Variants in NBEA observed in about 807,000 individuals in gnomAD.
NBEA encodes lysosomal-trafficking regulator 2.
NBEA carries 44 observed loss-of-function variants against 343.4 expected under a neutral mutation model. The ratio of observed to expected loss-of-function variants is 0.13; its 90% CI spans 0.10 to 0.16. The LOEUF is 0.16. NBEA is among the 10% of genes least tolerant of loss of function. NBEA has a pLI of 1.00. For synonymous variants in NBEA, 1,175 were observed against 1,238.7 expected (o/e 0.95, Z 1.08); for missense variants, 2,555 against 3,631.3 (o/e 0.70, Z 7.62).
At chr13:35,419,170 A>T (rs776106258) in intron 38 of NBEA, among the ~76,000 whole-genome samples, 5 of 152,070 alleles carry the variant, frequency 3.3e-5, no homozygotes, top group African/African-American at 1.2e-4. Flanking sequence ...CAGATTAGAG[A>T]TGCTTAACCT....
intron 20 of NBEA, 111 bp downstream of exon 20, chr13:35,156,317 A>G: frequency 9.2e-7 from 1 of 1,089,406 alleles, no homozygotes; most frequent in South Asian, 1.8e-5. Flanking sequence ...ACTTTTAATC[A>G]TCAGAAAAGG....
intron 33 of NBEA, 44 bp from the exon 34 acceptor site, chr13:35,232,448 A>G (rs2075029064): frequency 8.2e-7 from 1 of 1,226,926 alleles, no homozygotes; most frequent in East Asian, 2.6e-5. Flanking sequence ...TTGACATTTT[A>G]TATTGAATTA....
intron 36 of NBEA, among the ~76,000 whole-genome samples, chr13:35,323,264 C>T (rs555187001): frequency 2.0e-5 from 3 of 152,002 alleles, no homozygotes; most frequent in African/African-American, 4.8e-5. Context: ...CACATGCACA[C>T]GTATGTTTAC....
chr13:35,646,111 G>A, intron 50 of NBEA, 148 bp from the exon 51 acceptor site: 1 of 705,220 alleles, frequency 1.4e-6, no homozygotes, highest in Non-Finnish European at 2.4e-6. Context: ...ACACTTGGAT[G>A]ATTCTGCACC....
At chr13:35,205,255 G>T (rs1209985019) in intron 31 of NBEA, among the ~76,000 whole-genome samples, 1 of 152,126 alleles carries the variant, frequency 6.6e-6, no homozygotes, top group African/African-American at 2.4e-5. Context: ...TGCAGAAAAA[G>T]ATCGGAGAAA....
chr13:35,565,539 T>C (rs1385827563), intron 44 of NBEA, among the ~76,000 whole-genome samples: 3 of 152,190 alleles, frequency 2.0e-5, no homozygotes, highest in East Asian at 3.8e-4. Context: ...GAAACTCATA[T>C]CACTAAATAC....
At chr13:35,586,009 G>A (rs2081276993) in intron 46 of NBEA, among the ~76,000 whole-genome samples, 1 of 152,088 alleles carries the variant, frequency 6.6e-6, no homozygotes, top group Admixed American at 6.6e-5. Context: ...CTAGATAGGA[G>A]CACTATAAGT....
chr13:35,491,831 G>A (rs890206351), intron 41 of NBEA, among the ~76,000 whole-genome samples: 2 of 151,872 alleles, frequency 1.3e-5, no homozygotes, highest in African/African-American at 2.4e-5. Flanking sequence ...AAAGTAAGGC[G>A]GAAAACTAAC....
chr13:35,582,752 A>G (rs1450011728), intron 45 of NBEA, among the ~76,000 whole-genome samples: 2 of 152,132 alleles, frequency 1.3e-5, no homozygotes, highest in African/African-American at 4.8e-5. Flanking sequence ...TTATTATGGA[A>G]ATTCTAACAG....
chr13:35,389,020 T>C (rs1050605373), intron 38 of NBEA, among the ~76,000 whole-genome samples: 33 of 151,596 alleles, frequency 2.2e-4, no homozygotes, highest in African/African-American at 8.0e-4. Context: ...CGGGTTTCTT[T>C]TTTTTTTTTT....
rs201904198 is a variant in NBEA at position 35,195,911 on chromosome 13, A to G, written c.4975A>G (p.Thr1659Ala). ...CACCATAAAAGAAAAAGAAACACCA[A>G]CTCCTGGTGAAGATATTCAGGTAGA... ...PDTIKEKETP[T>A]PGEDIQVESS... is the part of the protein sequence containing the mutation. Residue 1659 changes from threonine (T) to alanine (A), a missense_variant, in exon 31 of 59, where the codon ACT (threonine) becomes GCT (alanine). This residue lies in a region of NBEA where 270 missense variants were observed against 293.3 expected (regional missense o/e 0.92). Transcript: ENST00000379939. The G allele has an allele frequency of 1.7e-4, 277 of 1,611,328 alleles. No homozygotes were observed. The highest frequency in any genetic ancestry group is 9.1e-5 in the Non-Finnish European group (107 of 1,179,136).
At chr13:35,335,261 A>G (rs749467942) in intron 36 of NBEA, among the ~76,000 whole-genome samples, 22 of 152,240 alleles carry the variant, frequency 1.4e-4, no homozygotes, top group Non-Finnish European at 2.6e-4. Flanking sequence ...ATATAATTTG[A>G]AGTCAAGTAA....
intron 34 of NBEA, among the ~76,000 whole-genome samples, chr13:35,264,845 C>CA (rs2033533815): frequency 6.6e-6 from 1 of 151,786 alleles, no homozygotes; most frequent in South Asian, 2.1e-4. Context: ...CAAGTAAACT[C>CA]ACTCTCTTCA....
chr13:35,104,341 T>G (rs1054947505), intron 11 of NBEA, among the ~76,000 whole-genome samples: 18 of 151,972 alleles, frequency 1.2e-4, no homozygotes, highest in African/African-American at 3.9e-4. Context: ...ATGTTTTATA[T>G]TTTTTACTAA....
intron 34 of NBEA, among the ~76,000 whole-genome samples, chr13:35,242,888 C>T (rs2030561607): frequency 6.6e-6 from 1 of 151,700 alleles, no homozygotes; most frequent in South Asian, 2.1e-4. Flanking sequence ...CTAGATCTAA[C>T]CTACGAGAAA....
At chr13:35,385,044 A>G (rs1428418297) in intron 38 of NBEA, among the ~76,000 whole-genome samples, 1 of 152,176 alleles carries the variant, frequency 6.6e-6, no homozygotes, top group Non-Finnish European at 1.5e-5. Flanking sequence ...TGTGTTTTAA[A>G]CACTGCATTT....
chr13:35,061,704 C>A (rs577198011), intron 8 of NBEA, among the ~76,000 whole-genome samples: 1 of 151,814 alleles, frequency 6.6e-6, no homozygotes, highest in Admixed American at 6.6e-5. Context: ...AAGTATAACA[C>A]AACCTCCAAA....
At chr13:35,053,307 C>T (rs2063130732) in intron 6 of NBEA, among the ~76,000 whole-genome samples, 1 of 152,056 alleles carries the variant, frequency 6.6e-6, no homozygotes, top group South Asian at 2.1e-4. Context: ...TAAACCTACA[C>T]ACTGAGGAAA....
At chr13:35,608,087 C>CT (rs1394824965) in intron 48 of NBEA, among the ~76,000 whole-genome samples, 1 of 152,126 alleles carries the variant, frequency 6.6e-6, no homozygotes, top group Non-Finnish European at 1.5e-5. Context: ...TGTTCTGTCT[C>CT]TAAGAAATAT....
Sources: allele counts gnomAD v4.1 joint callset (sites outside exome capture counted in the v4.1 genomes callset), GRCh38; gene constraint gnomAD v4.1.1; regional missense constraint gnomAD v4.1.1; transcripts MANE v1.5; gene names NCBI Gene and HGNC (gene_info 2026-07-23, HGNC 2026-07-21).